The following ASB5 variants were observed in gnomAD, a reference collection of about 807,000 sequenced individuals.
ASB5 encodes ankyrin repeat and SOCS box containing 5, also known as ankyrin repeat and SOCS box protein 5.
A neutral mutation model predicts 42.1 loss-of-function variants in ASB5; 45 were observed. The ratio of observed to expected loss-of-function variants is 1.07; its 90% CI spans 0.84 to 1.37. The LOEUF (loss-of-function observed/expected upper bound fraction) is 1.37, where lower values mean the gene tolerates loss of function less well. ASB5 is among the 40% of genes most tolerant of loss of function. ASB5 has a pLI of 0.00. For synonymous variants in ASB5, 147 were observed against 150.6 expected (o/e 0.98, Z 0.18); for missense variants, 402 against 399.8 (o/e 1.01, Z -0.05).
chr4:176,265,429 C>G (rs1754337695), intron 1 of ASB5, among the ~76,000 whole-genome samples: 1 of 152,166 alleles, frequency 6.6e-6, no homozygotes, highest in African/African-American at 2.4e-5. Context: ...CCTATCTCCT[C>G]AATTAGAATG....
chr4:176,244,322 A>T (rs1304767073), intron 1 of ASB5, among the ~76,000 whole-genome samples: 3 of 152,206 alleles, frequency 2.0e-5, no homozygotes, highest in Non-Finnish European at 4.4e-5. Flanking sequence ...CATGCTTCAT[A>T]CACCAAAGCA....
At chr4:176,264,534 A>G (rs73009206) in intron 1 of ASB5, among the ~76,000 whole-genome samples, 7,236 of 152,258 alleles carry the variant, frequency 0.048, 536 homozygotes, top group African/African-American at 0.16. Flanking sequence ...AATGAAAAGA[A>G]TACATTAAAT....
intron 1 of ASB5, chr4:176,237,578 C>T (rs1173663548): frequency 1.0e-6 from 1 of 985,368 alleles, no homozygotes; most frequent in Non-Finnish European, 1.2e-6. Context: ...CAACATTGAA[C>T]TCTATTCAGA....
chr4:176,227,627 T>C (rs1192817261), intron 1 of ASB5, among the ~76,000 whole-genome samples: 1 of 152,202 alleles, frequency 6.6e-6, no homozygotes. Flanking sequence ...GCGCTATTAT[T>C]ATCTCTGTTT....
chr4:176,246,575 C>T (rs1258140553), intron 1 of ASB5, among the ~76,000 whole-genome samples: 4 of 152,164 alleles, frequency 2.6e-5, no homozygotes, highest in African/African-American at 4.8e-5. Flanking sequence ...ACATGAACTA[C>T]ACCAATAATG....
chr4:176,258,574 G>A (rs998406832), intron 1 of ASB5, among the ~76,000 whole-genome samples: 4 of 152,048 alleles, frequency 2.6e-5, no homozygotes, highest in African/African-American at 9.7e-5. Context: ...CTTGTAGCCC[G>A]TTAAAATTCA....
intron 1 of ASB5, among the ~76,000 whole-genome samples, chr4:176,230,670 C>A (rs190601552): frequency 1.3e-5 from 2 of 152,098 alleles, no homozygotes; most frequent in African/African-American, 2.4e-5. Flanking sequence ...CCTTCAAAAT[C>A]CGAAATTTAG....
upstream of ASB5, among the ~76,000 whole-genome samples, chr4:176,269,524 T>G (rs1034897010): frequency 6.6e-6 from 1 of 152,206 alleles, no homozygotes; most frequent in Non-Finnish European, 1.5e-5. Flanking sequence ...TGTCTATCAT[T>G]TAAGGCTTTA....
intron 1 of ASB5, among the ~76,000 whole-genome samples, chr4:176,276,182 T>A (rs543602523): frequency 6.6e-6 from 1 of 152,172 alleles, no homozygotes; most frequent in Non-Finnish European, 1.5e-5. Flanking sequence ...GAGGTTTAAA[T>A]GCAATAATTC....
intron 1 of ASB5, among the ~76,000 whole-genome samples, chr4:176,267,175 C>A (rs1754373847): frequency 1.3e-5 from 2 of 152,146 alleles, no homozygotes; most frequent in African/African-American, 2.4e-5. Flanking sequence ...AATTTTACCA[C>A]TTTATGATCA....
intron 1 of ASB5, among the ~76,000 whole-genome samples, chr4:176,254,393 C>T (rs1754107790): frequency 6.6e-6 from 1 of 152,030 alleles, no homozygotes; most frequent in Non-Finnish European, 1.5e-5. Context: ...TTCCTTACAC[C>T]ACATACAAAA....
chr4:176,228,130 G>A (rs372484562), intron 1 of ASB5, among the ~76,000 whole-genome samples: 10 of 152,216 alleles, frequency 6.6e-5, no homozygotes, highest in East Asian at 5.8e-4. Flanking sequence ...TTTTAATTTA[G>A]TGGGATGAAA....
intron 1 of ASB5, chr4:176,241,721 GA>G (rs1034957211): frequency 2.4e-5 from 29 of 1,224,400 alleles, no homozygotes; most frequent in South Asian, 3.0e-5. Context: ...AAGCATCTTG[GA>G]AAAAAAATTG....
chr4:176,242,716 CTTTATTAA>C (rs1484224452), intron 1 of ASB5, among the ~76,000 whole-genome samples: 1 of 152,174 alleles, frequency 6.6e-6, no homozygotes, highest in African/African-American at 2.4e-5. Context: ...TCATTTTTCA[CTTTATTAA>C]TTTCTGCTTG....
intron 1 of ASB5, among the ~76,000 whole-genome samples, chr4:176,260,312 T>C (rs948928737): frequency 2.0e-5 from 3 of 152,348 alleles, no homozygotes; most frequent in Admixed American, 2.0e-4. Flanking sequence ...AAATATGGGA[T>C]ATTAATCTAT....
In ASB5 at chr4:176,228,360, T is replaced by C. The variant is rs1001866730; in HGVS notation, c.197-3019A>G. 2.0e-5 allele frequency among the ~76,000 whole-genome samples: 3 copies of C among 152,228 alleles called. No homozygotes were observed. The East Asian group carries it at 5.8e-4, about 29-fold the overall frequency. ...TATTTATAAGAAGAAAAGCAATTCC[T>C]TGAATACGTCCCTGAAATGATAGAA... On this transcript the variant is annotated intron_variant, in intron 1 of 6. Transcript: ENST00000296525.
At chr4:176,252,088 A>G (rs1754051732) in intron 1 of ASB5, among the ~76,000 whole-genome samples, 4 of 151,380 alleles carry the variant, frequency 2.6e-5, no homozygotes, top group Admixed American at 2.6e-4. Flanking sequence ...AAAAAAGAAA[A>G]AAAAAAAAAG....
intron 1 of ASB5, among the ~76,000 whole-genome samples, chr4:176,225,747 G>A (rs1292332853): frequency 6.6e-6 from 1 of 151,980 alleles, no homozygotes; most frequent in Non-Finnish European, 1.5e-5. Context: ...ACACCACCAC[G>A]CCCGGATCAT....
intron 5 of ASB5, among the ~76,000 whole-genome samples, chr4:176,219,956 C>T (rs1389814360): frequency 6.6e-6 from 1 of 151,978 alleles, no homozygotes; most frequent in East Asian, 1.9e-4. Context: ...TTTCCCTTGG[C>T]CACACTGGAA....
Sources: gnomAD v4.1 joint callset for allele counts (sites outside exome capture counted in the v4.1 genomes callset) on GRCh38, gnomAD v4.1.1 for gene constraint, MANE v1.5 for transcripts, NCBI Gene and HGNC (gene_info 2026-07-23, HGNC 2026-07-21) for gene names.